Variants in WDFY2 observed in about 807,000 individuals in gnomAD.
The protein encoded by WDFY2 is WD repeat and FYVE domain containing 2.
WDFY2 carries 36 observed loss-of-function variants against 56.4 expected under a neutral mutation model. The observed-to-expected ratio is 0.64, with a 90% CI of 0.49 to 0.84. WDFY2 has a LOEUF of 0.84. WDFY2 is among the 40% of genes least tolerant of loss of function. The pLI, the probability that WDFY2 is intolerant of heterozygous loss-of-function variation, is 0.00. For missense variants in WDFY2, 444 were observed against 512.2 expected, an observed-to-expected ratio of 0.87 and a Z score of 1.29; for synonymous variants, 176 against 183.7, an observed-to-expected ratio of 0.96 and a Z score of 0.34.
chr13:51,700,663 G>A (rs1951964051), intron 3 of WDFY2, among the ~76,000 whole-genome samples: 1 of 152,148 alleles, frequency 6.6e-6, no homozygotes, highest in East Asian at 1.9e-4. Flanking sequence ...CATCAATAAA[G>A]GAATATTAAA....
chr13:51,706,788 A>G (rs543326533), intron 4 of WDFY2, among the ~76,000 whole-genome samples: 2 of 152,340 alleles, frequency 1.3e-5, no homozygotes, highest in South Asian at 4.1e-4. Flanking sequence ...AAAAACAAGC[A>G]CTGCTTAAGA....
chr13:51,676,429 G>A, intron 3 of WDFY2, among the ~76,000 whole-genome samples: 1 of 152,196 alleles, frequency 6.6e-6, no homozygotes, highest in East Asian at 1.9e-4. Context: ...TGTACCTCCA[G>A]CTGGTGAAGG....
intron 4 of WDFY2, among the ~76,000 whole-genome samples, chr13:51,712,181 G>A (rs944791016): frequency 6.6e-6 from 1 of 152,168 alleles, no homozygotes; most frequent in Non-Finnish European, 1.5e-5. Flanking sequence ...ATCATTCTGA[G>A]CAAACTATTG....
At chr13:51,681,984 A>G (rs1182875328) in intron 3 of WDFY2, among the ~76,000 whole-genome samples, 2 of 152,210 alleles carry the variant, frequency 1.3e-5, no homozygotes, top group African/African-American at 2.4e-5. Context: ...TCGTGAATGC[A>G]GATACCAAGA....
intron 7 of WDFY2, among the ~76,000 whole-genome samples, chr13:51,744,993 A>G (rs578060079): frequency 1.6e-4 from 24 of 152,306 alleles, no homozygotes; most frequent in Admixed American, 1.2e-3. Flanking sequence ...TCTATGTTGG[A>G]ATATTAACAG....
At chr13:51,608,678 T>TA (rs969982455) in intron 1 of WDFY2, among the ~76,000 whole-genome samples, 1 of 152,116 alleles carries the variant, frequency 6.6e-6, no homozygotes, top group Non-Finnish European at 1.5e-5. Context: ...GAGACTGTCT[T>TA]AAAAAAAGAA....
At chr13:51,627,090 G>C (rs557986844) in intron 1 of WDFY2, among the ~76,000 whole-genome samples, 60 of 152,354 alleles carry the variant, frequency 3.9e-4, no homozygotes, top group Non-Finnish European at 8.1e-4. Context: ...GGCTGGACCA[G>C]GTATACTGCA....
At chr13:51,652,288 C>G (rs1955406440) in intron 1 of WDFY2, among the ~76,000 whole-genome samples, 1 of 152,124 alleles carries the variant, frequency 6.6e-6, no homozygotes, top group South Asian at 2.1e-4. Flanking sequence ...TATTTTGAGC[C>G]TATGTGTGTC....
intron 2 of WDFY2, among the ~76,000 whole-genome samples, chr13:51,670,655 C>G (rs1220112602): frequency 6.6e-6 from 1 of 152,142 alleles, no homozygotes; most frequent in Non-Finnish European, 1.5e-5. Flanking sequence ...ATCCTGGGTT[C>G]AGGCATATAG....
intron 2 of WDFY2, among the ~76,000 whole-genome samples, chr13:51,666,369 A>G (rs1470623907): frequency 3.3e-5 from 5 of 152,214 alleles, no homozygotes; most frequent in Non-Finnish European, 7.3e-5. Flanking sequence ...AAAAAGGTGG[A>G]ATATTTTTCA....
At chr13:51,605,177 A>C (rs1954361641) in intron 1 of WDFY2, among the ~76,000 whole-genome samples, 1 of 152,206 alleles carries the variant, frequency 6.6e-6, no homozygotes, top group Non-Finnish European at 1.5e-5. Context: ...TGTGTTTCAA[A>C]AGATGAGTGG....
In WDFY2 at chr13:51,755,183, A is replaced by G. The variant is rs1953339695; in HGVS notation, c.832-175A>G. Reference sequence around the variant, plus strand: ...TTATTCACCACTACATCCCATCCCCAGGGCCTGCCACAGAATAGGCATTCA... The same window carrying G: ...TTATTCACCACTACATCCCATCCCCGGGGCCTGCCACAGAATAGGCATTCA... On this transcript the variant is annotated intron_variant, in intron 8 of 11. Transcript: ENST00000298125. Among the ~76,000 whole-genome samples, 3 of 152,188 alleles carry G rather than the reference A, an allele frequency of 2.0e-5. No homozygotes were observed. The South Asian group carries it at 6.2e-4, about 32-fold the overall frequency.
intron 1 of WDFY2, among the ~76,000 whole-genome samples, chr13:51,622,894 G>C (rs922062711): frequency 7.3e-6 from 1 of 136,118 alleles, no homozygotes; most frequent in Non-Finnish European, 1.5e-5. Context: ...GTCTAGCTCT[G>C]CCACCCAGGC....
intron 1 of WDFY2, among the ~76,000 whole-genome samples, chr13:51,634,697 G>C (rs1337028649): frequency 6.6e-6 from 1 of 151,876 alleles, no homozygotes; most frequent in East Asian, 1.9e-4. Context: ...TATAAGATTG[G>C]AAAAGGCTGT....
At chr13:51,741,478 G>A (rs1434586412) in intron 7 of WDFY2, among the ~76,000 whole-genome samples, 1 of 152,182 alleles carries the variant, frequency 6.6e-6, no homozygotes, top group Non-Finnish European at 1.5e-5. Context: ...ATGCCAGGGT[G>A]GGGATAGAGA....
intron 3 of WDFY2, among the ~76,000 whole-genome samples, chr13:51,677,266 A>G (rs910273713): frequency 1.3e-5 from 2 of 152,222 alleles, no homozygotes; most frequent in Non-Finnish European, 2.9e-5. Flanking sequence ...CCTGGCTTAT[A>G]TGAAATAATT....
intron 1 of WDFY2, among the ~76,000 whole-genome samples, chr13:51,640,694 C>A (rs1322126027): frequency 6.6e-6 from 1 of 152,014 alleles, no homozygotes; most frequent in African/African-American, 2.4e-5. Context: ...ACTAAAAATA[C>A]AAAAAATTAG....
chr13:51,727,614 T>C (rs1952632104), intron 5 of WDFY2, 64 bp from the exon 6 acceptor site: 5 of 1,484,980 alleles, frequency 3.4e-6, no homozygotes, highest in Non-Finnish European at 4.7e-6. Flanking sequence ...ATTTATGCCC[T>C]GTTTTTTCAT....
At chr13:51,727,562 CTT>C (rs1952630600) in intron 5 of WDFY2, 114 bp from the exon 6 acceptor site, 5 of 908,428 alleles carry the variant, frequency 5.5e-6, no homozygotes, top group Admixed American at 4.9e-5. Context: ...TCAGCACTGT[CTT>C]CACATTTTCC....
Sources: gnomAD v4.1 joint callset for allele counts (sites outside exome capture counted in the v4.1 genomes callset) on GRCh38, gnomAD v4.1.1 for gene constraint, MANE v1.5 for transcripts, NCBI Gene and HGNC (gene_info 2026-07-23, HGNC 2026-07-21) for gene names.